Variants in PPARGC1A observed in about 807,000 individuals in gnomAD.
The protein encoded by PPARGC1A is peroxisome proliferator-activated receptor gamma coactivator 1-alpha.
In PPARGC1A, 25 loss-of-function variants were observed where a neutral mutation model predicts 88.7. The ratio of observed to expected loss-of-function variants is 0.28; its 90% CI spans 0.21 to 0.39. The LOEUF (loss-of-function observed/expected upper bound fraction) is 0.39, where lower values mean the gene tolerates loss of function less well. Ranked by LOEUF, PPARGC1A falls within the 10% of genes least tolerant of loss-of-function variation. The pLI, the probability that PPARGC1A is intolerant of heterozygous loss-of-function variation, is 1.00. For missense variants in PPARGC1A, 880 were observed against 968.7 expected (o/e 0.91, Z 1.22); for synonymous variants, 363 against 355.6 (o/e 1.02, Z -0.24).
At chr4:24,148,052 TTAGAGA>T in the PPARGC1A span, among the ~76,000 whole-genome samples, 3 of 152,174 alleles carry the variant, frequency 2.0e-5, no homozygotes, top group Non-Finnish European at 4.4e-5. Context: ...CCCCAGTTTC[TTAGAGA>T]TAGAGAGAGA....
the PPARGC1A span, among the ~76,000 whole-genome samples, chr4:23,974,745 G>A: frequency 2.7e-5 from 4 of 146,620 alleles, no homozygotes; most frequent in Middle Eastern, 3.7e-3. Flanking sequence ...CCATTCTCCC[G>A]CCTCGGCCTC....
the PPARGC1A span, among the ~76,000 whole-genome samples, chr4:23,977,792 T>C: frequency 6.6e-6 from 1 of 152,204 alleles, no homozygotes; most frequent in South Asian, 2.1e-4. Flanking sequence ...TGATCATCAG[T>C]CCTTCTGTCC....
chr4:23,924,507 A>T, the PPARGC1A span, among the ~76,000 whole-genome samples: 1 of 152,222 alleles, frequency 6.6e-6, no homozygotes, highest in Non-Finnish European at 1.5e-5. Flanking sequence ...CTGTAGTCCC[A>T]GCTACTTAGG....
chr4:24,124,680 T>TC, the PPARGC1A span, among the ~76,000 whole-genome samples: 1,398 of 151,966 alleles, frequency 9.2e-3, 9 homozygotes, highest in Non-Finnish European at 0.015. Context: ...TTTTTTTTTT[T>TC]AGGAAGGAGA....
chr4:24,119,209 C>G, the PPARGC1A span, among the ~76,000 whole-genome samples: 1 of 152,134 alleles, frequency 6.6e-6, no homozygotes, highest in South Asian at 2.1e-4. Context: ...AGACTTTTCT[C>G]TTTCCCCGAA....
the PPARGC1A span, among the ~76,000 whole-genome samples, chr4:24,290,963 A>G: frequency 6.6e-6 from 1 of 152,164 alleles, no homozygotes; most frequent in Non-Finnish European, 1.5e-5. Flanking sequence ...ATCTAACAGA[A>G]AAAATATTGG....
At chr4:24,464,560 C>T in the PPARGC1A span, among the ~76,000 whole-genome samples, 1 of 152,158 alleles carries the variant, frequency 6.6e-6, no homozygotes, top group African/African-American at 2.4e-5. Flanking sequence ...TATTACACAA[C>T]CAACACACTT....
the PPARGC1A span, among the ~76,000 whole-genome samples, chr4:24,050,100 T>A: frequency 6.6e-6 from 1 of 152,128 alleles, no homozygotes; most frequent in Non-Finnish European, 1.5e-5. Flanking sequence ...TGTTGGCTTT[T>A]TAAGAACACT....
the PPARGC1A span, among the ~76,000 whole-genome samples, chr4:23,974,070 A>G: frequency 6.6e-6 from 1 of 152,322 alleles, no homozygotes; most frequent in East Asian, 1.9e-4. Flanking sequence ...ATGGAAAAGG[A>G]GAGGAGTAGC....
At chr4:23,817,620 A>G (rs1189433763) in intron 7 of PPARGC1A, among the ~76,000 whole-genome samples, 3 of 152,182 alleles carry the variant, frequency 2.0e-5, no homozygotes, top group Admixed American at 6.5e-5. Flanking sequence ...TGCGGGCACC[A>G]TTTGTTGAAA....
the PPARGC1A span, among the ~76,000 whole-genome samples, chr4:24,328,038 C>T: frequency 3.3e-5 from 5 of 152,238 alleles, no homozygotes; most frequent in African/African-American, 7.2e-5. Context: ...AGAGAACAAC[C>T]CCCTTTGACT....
chr4:23,981,889 A>C, the PPARGC1A span, among the ~76,000 whole-genome samples: 1 of 152,252 alleles, frequency 6.6e-6, no homozygotes. Context: ...GAAAAGAGAA[A>C]GCTCAGGAAT....
chr4:24,138,362 A>T, the PPARGC1A span, among the ~76,000 whole-genome samples: 5 of 152,216 alleles, frequency 3.3e-5, no homozygotes, highest in African/African-American at 1.2e-4. Context: ...AAGAGCCAGA[A>T]CCAAAGGGAC....
the PPARGC1A span, among the ~76,000 whole-genome samples, chr4:24,277,749 AG>A: frequency 6.6e-6 from 1 of 152,126 alleles, no homozygotes; most frequent in African/African-American, 2.4e-5. Flanking sequence ...ATGAGCTAGC[AG>A]GGGGGTCGAG....
the PPARGC1A span, among the ~76,000 whole-genome samples, chr4:24,457,109 TAC>T: frequency 6.6e-6 from 1 of 152,130 alleles, no homozygotes; most frequent in African/African-American, 2.4e-5. Context: ...TATGGGATCA[TAC>T]AGTTTTGCAG....
intron 7 of PPARGC1A, 108 bp downstream of exon 7, chr4:23,824,172 C>A: frequency 1.2e-6 from 1 of 851,790 alleles, no homozygotes; most frequent in South Asian, 2.0e-5. Context: ...ATTTTGTATT[C>A]TTTGTTAATT....
chr4:24,201,324 G>T, the PPARGC1A span, among the ~76,000 whole-genome samples: 2 of 152,214 alleles, frequency 1.3e-5, no homozygotes, highest in Non-Finnish European at 2.9e-5. Context: ...AGGACAAGGG[G>T]CCAAAAGTTA....
At chr4:24,096,364 C>A in the PPARGC1A span, among the ~76,000 whole-genome samples, 1 of 152,120 alleles carries the variant, frequency 6.6e-6, no homozygotes, top group African/African-American at 2.4e-5. Context: ...TAATACAAGG[C>A]ATGAAATAGA....
chr4:24,276,369 C>G, the PPARGC1A span, among the ~76,000 whole-genome samples: 1 of 152,142 alleles, frequency 6.6e-6, no homozygotes, highest in African/African-American at 2.4e-5. Context: ...GTGTGCCTAC[C>G]CTCACACTGG....
Sources: allele counts gnomAD v4.1 joint callset (sites outside exome capture counted in the v4.1 genomes callset), GRCh38; gene constraint gnomAD v4.1.1; transcripts MANE v1.5; gene names NCBI Gene and HGNC (gene_info 2026-07-23, HGNC 2026-07-21).